Variants in CAPN9 observed in about 807,000 individuals in gnomAD.
CAPN9 encodes the protein calpain 9.
Under a neutral mutation model 92.8 loss-of-function variants are expected in CAPN9, and 81 were observed. That is an observed-to-expected ratio of 0.87 (90% CI 0.73 to 1.05). CAPN9 has a LOEUF of 1.05. Among genes scored for constraint, CAPN9 ranks in the 50% least tolerant of loss-of-function variants. The probability of loss-of-function intolerance (pLI) is 0.00; values close to 1 mark genes in which losing one functional copy is unlikely to be tolerated. For missense variants in CAPN9, 848 were observed against 866.2 expected, an observed-to-expected ratio of 0.98 and a Z score of 0.26; for synonymous variants, 304 against 328.0, an observed-to-expected ratio of 0.93 and a Z score of 0.79.
rs200162449 is a variant in CAPN9, at chr1:230,789,500, A to AAAAAAG, written c.1600-632_1600-631insAAAAAG. The stretch of plus-strand genomic sequence containing the variant: ...AAAAAAAAAAAAAAAAAAAAAAAAA[A>AAAAAAG]GCCTGAGTCTCAGGGCAAGGTCTGA... On this transcript the variant is annotated intron_variant, in intron 13 of 19. Coordinates refer to ENST00000271971, the MANE Select transcript of CAPN9 (RefSeq NM_006615.3). 5.9e-4 allele frequency among the ~76,000 whole-genome samples: 82 copies of AAAAAAG among 138,214 alleles called. 6 individuals carry two copies. The highest frequency in any genetic ancestry group is 2.3e-3 in the African/African-American group (82 of 36,262). The allele number at this position is 138,214 out of a possible 152,430, so 90.7% of individuals were successfully genotyped here.
chr1:230,759,436 C>A lies in CAPN9; in HGVS notation c.284-76C>A, dbSNP rs551042624. ...TGGCCACATCTGAAACTCCCCACAT[C>A]CCCTTCTGACACAGAGTTTTCCTAT... On this transcript the variant is annotated intron_variant, in intron 2 of 19. Coordinates refer to ENST00000271971, the MANE Select transcript of CAPN9 (RefSeq NM_006615.3). 5.9e-6 allele frequency: 6 copies of A among 1,014,856 alleles called. No homozygotes were observed. The Admixed American group carries it at 8.7e-5, about 15-fold the overall frequency. The allele number at this position is 1,014,856 out of a possible 1,614,324, so 62.9% of individuals were successfully genotyped here.
intron 11 of CAPN9, among the ~76,000 whole-genome samples, chr1:230,784,088 A>G (rs918611024): frequency 5.9e-5 from 9 of 152,220 alleles, no homozygotes; most frequent in Non-Finnish European, 8.8e-5. Flanking sequence ...GAAATTTCTA[A>G]GCAGCAAAGC....
At chr1:230,765,280 G>A (rs12059555) in intron 4 of CAPN9, among the ~76,000 whole-genome samples, 65,271 of 147,658 alleles carry the variant, frequency 0.44, 14,649 homozygotes, top group Non-Finnish European at 0.48. Context: ...TGCCAAAAGG[G>A]CACAAGAGCA....
intron 13 of CAPN9, 138 bp from the exon 14 acceptor site, chr1:230,789,994 G>A (rs1390971434): frequency 3.2e-6 from 2 of 630,134 alleles, no homozygotes; most frequent in Non-Finnish European, 5.6e-6. Context: ...CAGGAGATAG[G>A]TACATCTGCC....
intron 1 of CAPN9, among the ~76,000 whole-genome samples, chr1:230,748,419 G>T (rs7530200): frequency 0.4 from 60,051 of 152,016 alleles, 11,917 homozygotes; most frequent in Non-Finnish European, 0.41. Flanking sequence ...CCTCCAGGTG[G>T]GTACGGGCCT....
At chr1:230,765,324 G>A (rs562155978) in intron 4 of CAPN9, among the ~76,000 whole-genome samples, 3 of 150,686 alleles carry the variant, frequency 2.0e-5, no homozygotes, top group East Asian at 3.9e-4. Context: ...AAAGCTAGAA[G>A]AATTCAACCA....
At chr1:230,776,277 TC>T (rs1169358984) in intron 8 of CAPN9, 1 of 152,054 alleles carries the variant, frequency 6.6e-6, no homozygotes, top group Non-Finnish European at 1.5e-5. Flanking sequence ...ACTAACCCCA[TC>T]CATGAGGGCT....
rs145453300 is a variant in CAPN9 at position 230,762,822 on chromosome 1, G to A, written c.536+36G>A. On this transcript the variant is annotated intron_variant, in intron 4 of 19. Coordinates refer to ENST00000271971, the MANE Select transcript of CAPN9 (RefSeq NM_006615.3). ...GCTTCCCCAGCTCAGGCAGCCTCCC[G>A]ACAGGAGTCTCTACACTAGTCTTTG... 1,026 of 1,604,632 alleles carry A rather than the reference G, an allele frequency of 6.4e-4. 9 individuals carry two copies. In the African/African-American group the frequency reaches 0.012, roughly 19 times the overall value.
intron 1 of CAPN9, among the ~76,000 whole-genome samples, chr1:230,748,339 C>T (rs1028050712): frequency 2.6e-5 from 4 of 152,186 alleles, no homozygotes; most frequent in African/African-American, 9.7e-5. Flanking sequence ...GACGCCATGT[C>T]AATATTTGCG....
chr1:230,775,472 C>A (rs1221581815), intron 8 of CAPN9, among the ~76,000 whole-genome samples: 1 of 152,168 alleles, frequency 6.6e-6, no homozygotes, highest in African/African-American at 2.4e-5. Context: ...TCTCTAGAAT[C>A]TTTTTCAGTC....
chr1:230,778,007 C>CA (rs1012404474), intron 8 of CAPN9, among the ~76,000 whole-genome samples: 3 of 152,176 alleles, frequency 2.0e-5, no homozygotes, highest in African/African-American at 7.2e-5. Flanking sequence ...CTCCTTTCCC[C>CA]AGGATTCCAG....
chr1:230,777,781 G>A (rs954970554), intron 8 of CAPN9, among the ~76,000 whole-genome samples: 1 of 151,916 alleles, frequency 6.6e-6, no homozygotes, highest in Non-Finnish European at 1.5e-5. Context: ...GGATTGCGGG[G>A]GACCACACGC....
intron 14 of CAPN9, among the ~76,000 whole-genome samples, chr1:230,791,003 T>G (rs143971672): frequency 8.7e-4 from 132 of 152,350 alleles, no homozygotes; most frequent in African/African-American, 3.1e-3. Flanking sequence ...CTGGCTTTTC[T>G]CACATGGTGT....
intron 18 of CAPN9, among the ~76,000 whole-genome samples, chr1:230,797,370 C>T (rs1668424546): frequency 6.6e-6 from 1 of 152,206 alleles, no homozygotes; most frequent in Non-Finnish European, 1.5e-5. Context: ...CATTTGCACA[C>T]CTAACGAAAT....
At position 230,790,311 on chromosome 1, in the gene CAPN9, G is replaced by A. The variant is rs11584791; in HGVS notation, c.1657+122G>A. The A allele has an allele frequency of 0.032, 44,017 of 1,388,246 alleles. 852 individuals carry two copies. The highest frequency in any genetic ancestry group is 0.041 in the Middle Eastern group (189 of 4,600). 86.0% of individuals were successfully genotyped at this position (1,388,246 alleles called of 1,614,324 possible). On this transcript the variant is annotated intron_variant, in intron 14 of 19. Transcript: ENST00000271971. The stretch of plus-strand genomic sequence containing the variant: ...GCTTCCCAGGGCTGATTTGTAGGTA[G>A]ACTTTAAAAATAGCTTTCATTGTTT...
intron 13 of CAPN9, among the ~76,000 whole-genome samples, chr1:230,788,554 G>A (rs1667764776): frequency 6.6e-6 from 1 of 152,208 alleles, no homozygotes; most frequent in Non-Finnish European, 1.5e-5. Flanking sequence ...TATGAAAGGG[G>A]TCACCTGGAG....
chr1:230,785,244 T>C (rs1667505225), intron 11 of CAPN9, among the ~76,000 whole-genome samples: 1 of 152,220 alleles, frequency 6.6e-6, no homozygotes. Context: ...GATGAGACTT[T>C]GGACTTTGGA....
At chr1:230,769,616 C>CTTATCTAT (rs1255663506) in intron 6 of CAPN9, among the ~76,000 whole-genome samples, 1 of 115,980 alleles carries the variant, frequency 8.6e-6, no homozygotes, top group Non-Finnish European at 1.8e-5. Context: ...CACACACACA[C>CTTATCTAT]CTATCTATCT....
At chr1:230,750,323 C>T (rs1240653885) in intron 1 of CAPN9, among the ~76,000 whole-genome samples, 2 of 152,218 alleles carry the variant, frequency 1.3e-5, no homozygotes, top group African/African-American at 2.4e-5. Context: ...GTGTTGCTGT[C>T]GTTCCCACAG....
Sources: gnomAD v4.1 joint callset for allele counts (sites outside exome capture counted in the v4.1 genomes callset) on GRCh38, gnomAD v4.1.1 for gene constraint, MANE v1.5 for transcripts, NCBI Gene and HGNC (gene_info 2026-07-23, HGNC 2026-07-21) for gene names.